HNRNPR: variants seen among roughly 807,000 people sequenced by gnomAD.
HNRNPR encodes the protein heterogeneous nuclear ribonucleoprotein R.
A neutral mutation model predicts 70.3 loss-of-function variants in HNRNPR; 4 were observed. The ratio of observed to expected loss-of-function variants is 0.06; its 90% CI spans 0.03 to 0.13. The LOEUF (loss-of-function observed/expected upper bound fraction) is 0.13. Ranked by LOEUF, HNRNPR falls within the 10% of genes least tolerant of loss-of-function variation. The probability of loss-of-function intolerance (pLI) is 1.00; values close to 1 mark genes in which losing one functional copy is unlikely to be tolerated. For missense variants in HNRNPR, 423 were observed against 788.5 expected (o/e 0.54, Z 5.55); for synonymous variants, 241 against 267.6 (o/e 0.90, Z 0.97).
chr1:23,337,299 T>A (rs1319624750), intron 4 of HNRNPR, among the ~76,000 whole-genome samples: 1 of 152,158 alleles, frequency 6.6e-6, no homozygotes, highest in Admixed American at 6.5e-5. Context: ...TGAGTGTCGA[T>A]CCCCAAAATT....
At chr1:23,344,103 C>T (rs1302082627) in intron 1 of HNRNPR, 108 bp downstream of exon 1, 3 of 152,248 alleles carry the variant, frequency 2.0e-5, no homozygotes, top group African/African-American at 2.4e-5. Flanking sequence ...CACCCCCACC[C>T]CGGGGCCTCG....
chr1:23,328,703 T>C (rs901450865), intron 5 of HNRNPR, among the ~76,000 whole-genome samples: 1 of 152,196 alleles, frequency 6.6e-6, no homozygotes, highest in Non-Finnish European at 1.5e-5. Flanking sequence ...TTTCAACATG[T>C]TGGCCAGGCT....
At chr1:23,330,276 C>T (rs558641315) in intron 5 of HNRNPR, among the ~76,000 whole-genome samples, 23 of 151,674 alleles carry the variant, frequency 1.5e-4, no homozygotes, top group Non-Finnish European at 2.4e-4. Flanking sequence ...GTTGCTCACT[C>T]CTGTAATCCC....
intron 1 of HNRNPR, among the ~76,000 whole-genome samples, 157 bp downstream of exon 1, chr1:23,344,054 C>G (rs1206896080): frequency 6.6e-6 from 1 of 152,000 alleles, no homozygotes; most frequent in Non-Finnish European, 1.5e-5. Context: ...CCCACAGCCG[C>G]GCGGGCGGAC....
Position 23,341,017 on chromosome 1 carries a change from G to A in HNRNPR, c.-9C>T. On this transcript the variant is annotated splice_region_variant and 5_prime_UTR_variant, in exon 2 of 11. Coordinates refer to ENST00000302271, the MANE Select transcript of HNRNPR (RefSeq NM_005826.5). The stretch of plus-strand genomic sequence containing the variant: ...TTCACCTGATTAGCCATTTTATTAT[G>A]CTGCTGGAAAAAATTCAGGAGCTAT... 6.3e-7 allele frequency: 1 copy of A among 1,599,790 alleles called. No homozygotes were observed. The highest frequency in any genetic ancestry group is 8.5e-7 in the Non-Finnish European group (1 of 1,175,016).
chr1:23,334,757 G>A (rs531166629), intron 4 of HNRNPR, among the ~76,000 whole-genome samples: 28 of 152,182 alleles, frequency 1.8e-4, no homozygotes, highest in Non-Finnish European at 3.4e-4. Context: ...CATTCTATTA[G>A]GTATTAAGAG....
chr1:23,328,491 T>TTTG (rs927875797), intron 5 of HNRNPR, among the ~76,000 whole-genome samples: 30 of 152,218 alleles, frequency 2.0e-4, no homozygotes, highest in Middle Eastern at 3.4e-3. Context: ...AGTTTCGTTT[T>TTTG]TTGTTGTTGT....
chr1:23,320,688 G>C (rs1039067694), intron 7 of HNRNPR, among the ~76,000 whole-genome samples: 1 of 152,080 alleles, frequency 6.6e-6, no homozygotes, highest in East Asian at 1.9e-4. Flanking sequence ...TAAATCATAG[G>C]TAGTATTAGA....
rs59006948 is a variant in HNRNPR at position 23,331,834 on chromosome 1, TAAAAA to T, written c.498+1679_498+1683del. Among the ~76,000 whole-genome samples the T allele has an allele frequency of 3.4e-3, 201 of 59,268 alleles. 2 individuals carry two copies. The highest frequency in any genetic ancestry group is 0.017 in the South Asian group (12 of 692). 38.9% of individuals were successfully genotyped at this position (59,268 alleles called of 152,430 possible). Reference sequence around the variant, plus strand: ...CTGGGTGACAGTGAGACTGTTTCTTTAAAAAAAAAAAAAAAAAAAAAAAAAAAAGG... The same window carrying T: ...CTGGGTGACAGTGAGACTGTTTCTTTAAAAAAAAAAAAAAAAAAAAAAAGG... On this transcript the variant is annotated intron_variant, in intron 5 of 10. Coordinates refer to ENST00000302271, the MANE Select transcript of HNRNPR (RefSeq NM_005826.5).
At chr1:23,341,116 C>T (rs897605020) in intron 1 of HNRNPR, 99 bp from the exon 2 acceptor site, 3 of 780,988 alleles carry the variant, frequency 3.8e-6, no homozygotes, top group African/African-American at 3.5e-5. Context: ...ATACATGCTG[C>T]TAATAACCTC....
At chr1:23,342,322 G>A (rs1449233582) in intron 1 of HNRNPR, among the ~76,000 whole-genome samples, 1 of 152,174 alleles carries the variant, frequency 6.6e-6, no homozygotes, top group Admixed American at 6.5e-5. Flanking sequence ...AAGACCAAGA[G>A]GGGAAGGAGG....
rs184444410 is a variant in HNRNPR at position 23,309,540 on chromosome 1, A to G, written c.*914T>C. On this transcript the variant is annotated 3_prime_UTR_variant, in exon 11 of 11. Transcript: ENST00000302271. ...TGAACCTGTTTTTTTTTTTTTAATAAAAGATAAAATTTCAAAATTAGAAGA... is the reference window on the plus strand; with the variant it reads ...TGAACCTGTTTTTTTTTTTTTAATAGAAGATAAAATTTCAAAATTAGAAGA... The G allele has an allele frequency of 6.6e-6, 1 of 152,168 alleles. No individual in the cohort carries two copies. Among genetic ancestry groups the G allele is most frequent in the African/African-American group, 2.4e-5 (1 of 41,544 alleles). 9.4% of individuals were successfully genotyped at this position (152,168 alleles called of 1,614,324 possible).
intron 4 of HNRNPR, among the ~76,000 whole-genome samples, chr1:23,334,160 T>C (rs1034690843): frequency 5.3e-5 from 8 of 151,932 alleles, no homozygotes; most frequent in African/African-American, 1.9e-4. Context: ...GAGATCCGCC[T>C]GTCTTGGCCT....
rs748547185 is a variant in HNRNPR at position 23,313,733 on chromosome 1, T to A, written c.1018-31A>T. ...AAGCAACAAATAAACAAAACCGTCA[T>A]TGGCTACTTAATTTTACCTGAAAAG... is the stretch of plus-strand genomic sequence containing the variant. On this transcript the variant is annotated intron_variant, in intron 8 of 10. Transcript: ENST00000302271. 8 of 1,589,454 alleles carry A rather than the reference T, an allele frequency of 5.0e-6. No individual in the cohort carries two copies. In the African/African-American group the frequency reaches 1.1e-4, roughly 22 times the overall value.
rs994028191 is a variant in HNRNPR, at chr1:23,318,423, T to C, written c.1017+60A>G. 25 of 1,366,632 alleles carry C rather than the reference T, an allele frequency of 1.8e-5. No individual in the cohort carries two copies. The highest frequency in any genetic ancestry group is 2.5e-5 in the Non-Finnish European group (24 of 963,366). The allele number at this position is 1,366,632 out of a possible 1,614,324, so 84.7% of individuals were successfully genotyped here. On this transcript the variant is annotated intron_variant, in intron 8 of 10. Transcript: ENST00000302271. The surrounding 1 kb of genome is among the most constrained non-coding windows in gnomAD (Gnocchi z 4.2). ...TCATAAAACTCAAAATATTTGAGCTTTATTCTGAGTACAAAATTTAAATGA... is the reference window on the plus strand; with the variant it reads ...TCATAAAACTCAAAATATTTGAGCTCTATTCTGAGTACAAAATTTAAATGA...
At chr1:23,330,308 G>A (rs192623311) in intron 5 of HNRNPR, among the ~76,000 whole-genome samples, 11 of 152,190 alleles carry the variant, frequency 7.2e-5, no homozygotes, top group East Asian at 1.9e-4. Context: ...AGGCCGAGGC[G>A]GGTGGATCAT....
intron 2 of HNRNPR, among the ~76,000 whole-genome samples, chr1:23,340,600 T>C (rs1646673552): frequency 6.6e-6 from 1 of 152,130 alleles, no homozygotes; most frequent in African/African-American, 2.4e-5. Context: ...TTATGGGTGG[T>C]AAATCTAAGA....
chr1:23,341,098 T>A (rs1553161219), intron 1 of HNRNPR, 81 bp from the exon 2 acceptor site: 4 of 983,386 alleles, frequency 4.1e-6, no homozygotes, highest in Non-Finnish European at 6.1e-6. Flanking sequence ...TTATCTAAAC[T>A]AATTTGTATA....
intron 8 of HNRNPR, among the ~76,000 whole-genome samples, chr1:23,316,973 A>C (rs56176431): frequency 0.19 from 28,895 of 151,960 alleles, 3,088 homozygotes; most frequent in Admixed American, 0.34. Flanking sequence ...GACTTTATAC[A>C]AGTATAAACC....
Sources: gnomAD v4.1 joint callset for allele counts (sites outside exome capture counted in the v4.1 genomes callset) on GRCh38, gnomAD v4.1.1 for gene constraint, Gnocchi (gnomAD v3.1) non-coding constraint, MANE v1.5 for transcripts, NCBI Gene and HGNC (gene_info 2026-07-23, HGNC 2026-07-21) for gene names.